Variants in MRPS28 observed in about 807,000 individuals in gnomAD.
MRPS28 encodes the protein mitochondrial ribosomal protein S28.
MRPS28 carries 7 observed loss-of-function variants against 10.8 expected under a neutral mutation model. That is an observed-to-expected ratio of 0.65 (90% CI 0.37 to 1.22). The LOEUF (loss-of-function observed/expected upper bound fraction) is 1.22. MRPS28 is among the 50% of genes most tolerant of loss of function. MRPS28 has a pLI of 0.02. For synonymous variants in MRPS28, 121 were observed against 93.3 expected (o/e 1.30, Z -1.71); for missense variants, 265 against 232.9 (o/e 1.14, Z -0.90).
chr8:79,996,883 AATTTGGATATACACAGCCCTAG>A (rs1808514854), intron 2 of MRPS28, among the ~76,000 whole-genome samples: 1 of 152,204 alleles, frequency 6.6e-6, no homozygotes, highest in African/African-American at 2.4e-5. Context: ...GTGAAAAGAA[AATTTGGATATACACAGCCCTAG>A]ATTTGAATCC....
At chr8:79,983,130 C>G (rs1808024243) in intron 2 of MRPS28, among the ~76,000 whole-genome samples, 1 of 152,168 alleles carries the variant, frequency 6.6e-6, no homozygotes, top group African/African-American at 2.4e-5. Context: ...ATCCACTGTT[C>G]TGCAGCCACC....
At chr8:79,926,027 G>T (rs563530792) in intron 2 of MRPS28, among the ~76,000 whole-genome samples, 1 of 150,476 alleles carries the variant, frequency 6.6e-6, no homozygotes, top group Non-Finnish European at 1.5e-5. Context: ...AGAGAGAAAA[G>T]AAAAGAGGAA....
chr8:79,963,204 C>T (rs779954188), intron 2 of MRPS28, among the ~76,000 whole-genome samples: 5 of 152,064 alleles, frequency 3.3e-5, no homozygotes, highest in Non-Finnish European at 5.9e-5. Context: ...AGGAAAAGCA[C>T]CGTATTCTCA....
intron 2 of MRPS28, among the ~76,000 whole-genome samples, chr8:79,988,064 C>T (rs1380151914): frequency 6.6e-6 from 1 of 151,860 alleles, no homozygotes; most frequent in African/African-American, 2.4e-5. Context: ...AAATGTGGCA[C>T]ATATACACCA....
At chr8:79,970,496 A>G (rs185292014) in intron 2 of MRPS28, among the ~76,000 whole-genome samples, 13 of 152,262 alleles carry the variant, frequency 8.5e-5, no homozygotes, top group African/African-American at 2.9e-4. Context: ...TATCATCAAG[A>G]AGTTATGTTT....
rs563503080 is a variant in MRPS28, at chr8:80,012,960, A to G, written c.214-9780T>C. ...ATCCAACTACCTCAAGTTTTACATGAGTACCATACATGCTATTCAAAGTTA... is the reference window on the plus strand; with the variant it reads ...ATCCAACTACCTCAAGTTTTACATGGGTACCATACATGCTATTCAAAGTTA... On this transcript the variant is annotated intron_variant, in intron 1 of 2. Transcript: ENST00000276585. Among the ~76,000 whole-genome samples, 86 of 152,366 alleles carry G rather than the reference A, an allele frequency of 5.6e-4. 1 individual carries two copies. The highest frequency in any genetic ancestry group is 2.0e-3 in the African/African-American group (83 of 41,582).
chr8:79,931,092 AATAAT>A (rs1057281112), intron 2 of MRPS28, among the ~76,000 whole-genome samples: 3 of 152,240 alleles, frequency 2.0e-5, no homozygotes, highest in African/African-American at 7.2e-5. Flanking sequence ...GCATATTTTG[AATAAT>A]ATAATTATCT....
intron 1 of MRPS28, among the ~76,000 whole-genome samples, chr8:80,004,169 A>AGAACAGACAGACTGCCTCCTC (rs1362131156): frequency 6.6e-6 from 1 of 152,200 alleles, no homozygotes; most frequent in Non-Finnish European, 1.5e-5. Flanking sequence ...TTGAGATCTG[A>AGAACAGACAGACTGCCTCCTC]GAACAGACAG....
chr8:79,973,990 G>A (rs1219722537), intron 2 of MRPS28, among the ~76,000 whole-genome samples: 1 of 152,074 alleles, frequency 6.6e-6, no homozygotes, highest in Non-Finnish European at 1.5e-5. Context: ...GACCTCAAAT[G>A]ATCCTCGGCC....
rs186634802 is a variant in MRPS28 at position 79,933,098 on chromosome 8, C to T, written c.396-13950G>A. On this transcript the variant is annotated intron_variant, in intron 2 of 2. Coordinates refer to ENST00000276585, the MANE Select transcript of MRPS28 (RefSeq NM_014018.3). ...TTTTCTACAACAATGTGTACTCCTA[C>T]ATTTGCTTGTTTATATATGTGTATA... Among the ~76,000 whole-genome samples, 318 of 152,330 alleles carry T rather than the reference C, an allele frequency of 2.1e-3. 2 individuals are homozygous for T. Among genetic ancestry groups the T allele is most frequent in the Non-Finnish European group, 3.6e-3 (247 of 68,036 alleles).
chr8:80,000,168 G>GTGAA (rs904120944), intron 2 of MRPS28, among the ~76,000 whole-genome samples: 3 of 152,314 alleles, frequency 2.0e-5, no homozygotes, highest in African/African-American at 4.8e-5. Flanking sequence ...GAATGAATGA[G>GTGAA]TGAATGAATG....
At chr8:79,960,071 T>C (rs1807334256) in intron 2 of MRPS28, among the ~76,000 whole-genome samples, 1 of 152,100 alleles carries the variant, frequency 6.6e-6, no homozygotes, top group South Asian at 2.1e-4. Flanking sequence ...GGGCTTTCCT[T>C]GGGGTTTAGG....
Position 79,995,508 on chromosome 8 carries a change from A to G in MRPS28, c.395+7491T>C, listed in dbSNP as rs981886761. ...CCCTACTGGAGGTGTTAAAGTCTCA[A>G]CCATGATAAATGCTCATGTCCAAAA... On this transcript the variant is annotated intron_variant, in intron 2 of 2. Transcript: ENST00000276585. Among the ~76,000 whole-genome samples, 6 of 152,274 alleles carry G rather than the reference A, an allele frequency of 3.9e-5. No homozygotes were observed. In the East Asian group the frequency reaches 1.2e-3, roughly 29 times the overall value.
chr8:80,006,939 G>A (rs1313006879), intron 1 of MRPS28, among the ~76,000 whole-genome samples: 1 of 152,176 alleles, frequency 6.6e-6, no homozygotes, highest in African/African-American at 2.4e-5. Flanking sequence ...GTATCATCCT[G>A]ATACCAAAGC....
intron 2 of MRPS28, among the ~76,000 whole-genome samples, chr8:79,988,607 A>G (rs1462770478): frequency 1.3e-5 from 2 of 152,186 alleles, no homozygotes; most frequent in East Asian, 3.8e-4. Flanking sequence ...AGAAAAATGG[A>G]TATGTATAAA....
chr8:80,008,897 C>T (rs1238732042), intron 1 of MRPS28, among the ~76,000 whole-genome samples: 1 of 152,184 alleles, frequency 6.6e-6, no homozygotes, highest in Non-Finnish European at 1.5e-5. Flanking sequence ...ACTAGAAATA[C>T]CATTTGACCC....
intron 2 of MRPS28, among the ~76,000 whole-genome samples, chr8:79,940,434 AT>A (rs1195416268): frequency 6.6e-6 from 1 of 152,234 alleles, no homozygotes; most frequent in Non-Finnish European, 1.5e-5. Context: ...GTAGGAAATG[AT>A]TTTTAAAAGT....
chr8:79,929,197 C>A (rs1005440818), intron 2 of MRPS28, among the ~76,000 whole-genome samples: 1 of 152,124 alleles, frequency 6.6e-6, no homozygotes, highest in Non-Finnish European at 1.5e-5. Context: ...CACTTTAAAG[C>A]CACTTCATGT....
chr8:80,009,372 A>G (rs1312823140), intron 1 of MRPS28, among the ~76,000 whole-genome samples: 2 of 152,130 alleles, frequency 1.3e-5, no homozygotes, highest in African/African-American at 2.4e-5. Context: ...ACATGTATAC[A>G]TATGTAACAA....
Sources: gnomAD v4.1 joint callset for allele counts (sites outside exome capture counted in the v4.1 genomes callset) on GRCh38, gnomAD v4.1.1 for gene constraint, MANE v1.5 for transcripts, NCBI Gene and HGNC (gene_info 2026-07-23, HGNC 2026-07-21) for gene names.